Variants in SLC9A2 observed in about 807,000 individuals in gnomAD.
The protein encoded by SLC9A2 is solute carrier family 9 member A2, also known as sodium/hydrogen exchanger 2.
Under a neutral mutation model 71.7 loss-of-function variants are expected in SLC9A2, and 42 were observed. That is an observed-to-expected ratio of 0.59 (90% CI 0.46 to 0.76). The LOEUF (loss-of-function observed/expected upper bound fraction) is 0.76. SLC9A2 is among the 30% of genes least tolerant of loss of function. SLC9A2 has a pLI of 0.00. For synonymous variants in SLC9A2, 396 were observed against 392.5 expected, an observed-to-expected ratio of 1.01 and a Z score of -0.10; for missense variants, 829 against 1,017.4, an observed-to-expected ratio of 0.81 and a Z score of 2.52.
chr2:102,675,506 T>A (rs960853535), intron 3 of SLC9A2, among the ~76,000 whole-genome samples: 7 of 152,184 alleles, frequency 4.6e-5, no homozygotes, highest in South Asian at 4.1e-4. Context: ...GTGAAAGCTG[T>A]AGGTCACGGC....
chr2:102,689,084 G>A (rs1224372877), intron 5 of SLC9A2, among the ~76,000 whole-genome samples: 1 of 152,178 alleles, frequency 6.6e-6, no homozygotes, highest in Non-Finnish European at 1.5e-5. Context: ...TGCTACAGAA[G>A]ACTCCTGAGT....
At chr2:102,630,911 A>T (rs1052770538) in intron 1 of SLC9A2, among the ~76,000 whole-genome samples, 7 of 151,818 alleles carry the variant, frequency 4.6e-5, no homozygotes, top group African/African-American at 1.7e-4. Context: ...TGGGGTGCTA[A>T]TTCTTATATT....
intron 5 of SLC9A2, among the ~76,000 whole-genome samples, chr2:102,685,472 C>T (rs184798882): frequency 4.0e-4 from 61 of 152,182 alleles, no homozygotes; most frequent in African/African-American, 1.4e-3. Flanking sequence ...TAGACTGTTG[C>T]GAGGAAAGGG....
chr2:102,629,352 A>C (rs1279139288), intron 1 of SLC9A2, among the ~76,000 whole-genome samples: 1 of 152,150 alleles, frequency 6.6e-6, no homozygotes, highest in East Asian at 1.9e-4. Flanking sequence ...ACCATTTAAA[A>C]GAAAACTTGA....
At chr2:102,640,512 C>T (rs1450503649) in intron 1 of SLC9A2, among the ~76,000 whole-genome samples, 1 of 152,194 alleles carries the variant, frequency 6.6e-6, no homozygotes, top group Non-Finnish European at 1.5e-5. Context: ...TAATAGCTCA[C>T]AGAACTGAGG....
rs368185872 is a variant in SLC9A2, at chr2:102,641,903, T to C, written c.290-15661T>C. On this transcript the variant is annotated intron_variant, in intron 1 of 11. Coordinates refer to ENST00000233969, the MANE Select transcript of SLC9A2 (RefSeq NM_003048.6). Reference sequence around the variant, plus strand: ...TCACACACCAGGGCCTGTCGGGGGGTGGGGGGCTGGGGGAGGGATAGCATT... The same window carrying C: ...TCACACACCAGGGCCTGTCGGGGGGCGGGGGGCTGGGGGAGGGATAGCATT... Among the ~76,000 whole-genome samples the C allele has an allele frequency of 8.9e-4, 5 of 5,606 alleles. No homozygotes were observed. In the East Asian group the frequency reaches 0.024, roughly 26 times the overall value. 3.7% of individuals were successfully genotyped at this position (5,606 alleles called of 152,430 possible).
chr2:102,677,274 A>G (rs901922988), intron 3 of SLC9A2, among the ~76,000 whole-genome samples: 45 of 151,366 alleles, frequency 3.0e-4, no homozygotes, highest in African/African-American at 9.8e-4. Flanking sequence ...AGGAAAGTCT[A>G]TTTCCACCCA....
chr2:102,669,659 C>T (rs540907484), intron 3 of SLC9A2, among the ~76,000 whole-genome samples: 11 of 152,192 alleles, frequency 7.2e-5, no homozygotes, highest in African/African-American at 2.4e-4. Flanking sequence ...GTGTTTTGAA[C>T]TTTATATTCA....
In SLC9A2 at chr2:102,708,424, C is replaced by G. The variant is rs774494897; in HGVS notation, c.2374C>G (p.Arg792Gly). 2 of 1,614,214 alleles carry G rather than the reference C, an allele frequency of 1.2e-6. No homozygotes were observed. The highest frequency in any genetic ancestry group is 3.3e-5 in the Admixed American group (2 of 60,026). ...AGGCATCCCGCCCAAGCCGCCACCACGGCTGGTCTGGAGGGCATCGGAACC... is the reference window on the plus strand; with the variant it reads ...AGGCATCCCGCCCAAGCCGCCACCAGGGCTGGTCTGGAGGGCATCGGAACC... ...TEGIPPKPPPRLVWRASEPGS... is the reference protein window; with the variant it reads ...TEGIPPKPPPGLVWRASEPGS... The change falls in exon 12 of 12, where the codon CGG (arginine) becomes GGG (glycine). Residue 792 changes from arginine to glycine, a missense_variant. By Grantham distance (125) the Arg-to-Gly change is moderately radical. Around this residue, in one of 3 missense-constraint regions of SLC9A2, gnomAD observed 223 missense variants for 197.5 expected, o/e 1.13. Coordinates refer to ENST00000233969, the MANE Select transcript of SLC9A2 (RefSeq NM_003048.6).
chr2:102,642,743 T>C (rs1676633836), intron 1 of SLC9A2, among the ~76,000 whole-genome samples: 3 of 152,252 alleles, frequency 2.0e-5, no homozygotes, highest in Non-Finnish European at 4.4e-5. Context: ...GAATTGCTTT[T>C]ATTTTGTAGA....
intron 1 of SLC9A2, among the ~76,000 whole-genome samples, chr2:102,651,989 G>A (rs1279888046): frequency 6.6e-6 from 1 of 152,130 alleles, no homozygotes; most frequent in Non-Finnish European, 1.5e-5. Context: ...TTGCTAAAGA[G>A]TCACATTCTG....
chr2:102,645,284 C>T (rs903346172), intron 1 of SLC9A2, among the ~76,000 whole-genome samples: 1 of 152,128 alleles, frequency 6.6e-6, no homozygotes, highest in African/African-American at 2.4e-5. Flanking sequence ...CACAGAAAAA[C>T]CCCATCCAAA....
intron 1 of SLC9A2, among the ~76,000 whole-genome samples, chr2:102,628,397 A>G (rs991862226): frequency 6.6e-6 from 1 of 152,150 alleles, no homozygotes; most frequent in African/African-American, 2.4e-5. Flanking sequence ...AGAGTCCACA[A>G]AATCAGTTTG....
chr2:102,681,882 C>T (rs371998986), intron 3 of SLC9A2, among the ~76,000 whole-genome samples: 49 of 152,290 alleles, frequency 3.2e-4, no homozygotes, highest in East Asian at 2.1e-3. Flanking sequence ...TGCAATGAGA[C>T]GTGTTCGTGG....
intron 3 of SLC9A2, among the ~76,000 whole-genome samples, chr2:102,666,992 A>G (rs1677152843): frequency 6.6e-6 from 1 of 152,226 alleles, no homozygotes; most frequent in Non-Finnish European, 1.5e-5. Context: ...CTTTTGCCAT[A>G]TATCAGCACG....
At chr2:102,699,237 T>TG (rs1677825609) in intron 7 of SLC9A2, among the ~76,000 whole-genome samples, 1 of 152,094 alleles carries the variant, frequency 6.6e-6, no homozygotes, top group African/African-American at 2.4e-5. Flanking sequence ...TGAAGGTATC[T>TG]GGGGGAAAAG....
intron 1 of SLC9A2, among the ~76,000 whole-genome samples, chr2:102,623,880 G>A (rs886157634): frequency 6.6e-6 from 1 of 152,046 alleles, no homozygotes; most frequent in Non-Finnish European, 1.5e-5. Flanking sequence ...TTTAAATAAT[G>A]CCTGATGGTG....
At chr2:102,702,253 C>T (rs911223834) in intron 8 of SLC9A2, among the ~76,000 whole-genome samples, 153 bp from the exon 9 acceptor site, 3 of 152,150 alleles carry the variant, frequency 2.0e-5, no homozygotes, top group Non-Finnish European at 1.5e-5. Flanking sequence ...ATAAGAGTCA[C>T]AGAATTTGGA....
chr2:102,622,903 A>G lies in SLC9A2; in HGVS notation c.289+2766A>G, dbSNP rs139534539. On this transcript the variant is annotated intron_variant, in intron 1 of 11. Coordinates refer to ENST00000233969, the MANE Select transcript of SLC9A2 (RefSeq NM_003048.6). ...ACTTCCGCTTTGGCCTCAGCCTTCT[A>G]CAAGTGTTCTTATTCTGTGGGCTGC... Among the ~76,000 whole-genome samples the G allele has an allele frequency of 4.7e-4, 72 of 152,222 alleles. No homozygotes were observed. The East Asian group carries it at 0.012, about 25-fold the overall frequency.
Sources: allele counts gnomAD v4.1 joint callset (sites outside exome capture counted in the v4.1 genomes callset), GRCh38; gene constraint gnomAD v4.1.1; regional missense constraint gnomAD v4.1.1; transcripts MANE v1.5; gene names NCBI Gene and HGNC (gene_info 2026-07-23, HGNC 2026-07-21).